PPFIA2: variants seen among roughly 807,000 people sequenced by gnomAD.
PPFIA2 encodes the protein liprin-alpha-2.
PPFIA2 carries 46 observed loss-of-function variants against 175.5 expected under a neutral mutation model. The observed-to-expected ratio is 0.26, with a 90% confidence interval of 0.21 to 0.34. The LOEUF is 0.34. Ranked by LOEUF, PPFIA2 falls within the 10% of genes least tolerant of loss-of-function variation. The probability of loss-of-function intolerance (pLI) is 1.00; values close to 1 mark genes in which losing one functional copy is unlikely to be tolerated. For synonymous variants in PPFIA2, 568 were observed against 511.4 expected (o/e 1.11, Z -1.49); for missense variants, 1,179 against 1,506.1 (o/e 0.78, Z 3.60).
At chr12:81,477,406 A>G (rs2146527150) in intron 4 of PPFIA2, among the ~76,000 whole-genome samples, 1 of 152,288 alleles carries the variant, frequency 6.6e-6, no homozygotes, top group South Asian at 2.1e-4. Context: ...TTACAAAATG[A>G]TATATTCCAC....
chr12:81,559,031 A>T (rs1407280385), intron 4 of PPFIA2, among the ~76,000 whole-genome samples: 1 of 152,204 alleles, frequency 6.6e-6, no homozygotes, highest in African/African-American at 2.4e-5. Context: ...TTCAGAGTTA[A>T]TAGCCCTGAA....
intron 4 of PPFIA2, among the ~76,000 whole-genome samples, chr12:81,544,695 A>G (rs1340113063): frequency 6.6e-6 from 1 of 152,140 alleles, no homozygotes; most frequent in East Asian, 1.9e-4. Context: ...GAAGTATTTG[A>G]ATATTATCTC....
At chr12:81,404,931 T>A (rs2042672867) in intron 8 of PPFIA2, among the ~76,000 whole-genome samples, 1 of 152,216 alleles carries the variant, frequency 6.6e-6, no homozygotes, top group Non-Finnish European at 1.5e-5. Context: ...AGCTAGCTGA[T>A]TCATGTGGTC....
At chr12:81,572,873 G>A (rs1733787563) in intron 4 of PPFIA2, among the ~76,000 whole-genome samples, 1 of 151,930 alleles carries the variant, frequency 6.6e-6, no homozygotes, top group African/African-American at 2.4e-5. Flanking sequence ...AAGACTAATG[G>A]AAGTATGTCA....
intron 4 of PPFIA2, among the ~76,000 whole-genome samples, chr12:81,657,658 T>G (rs937663478): frequency 2.0e-5 from 3 of 152,174 alleles, no homozygotes; most frequent in Non-Finnish European, 4.4e-5. Context: ...CTAAATAAAT[T>G]TGGCAATTAA....
At chr12:81,601,109 T>A (rs1445097033) in intron 4 of PPFIA2, among the ~76,000 whole-genome samples, 1 of 151,950 alleles carries the variant, frequency 6.6e-6, no homozygotes, top group Non-Finnish European at 1.5e-5. Flanking sequence ...TTTTCATATT[T>A]CTTTGGTGGG....
At chr12:81,720,934 C>T (rs1256083291) in intron 3 of PPFIA2, among the ~76,000 whole-genome samples, 2 of 151,056 alleles carry the variant, frequency 1.3e-5, no homozygotes, top group Non-Finnish European at 3.0e-5. Flanking sequence ...TGTTCAAAAG[C>T]ATTTAAATTG....
chr12:81,656,912 G>A (rs552371332), intron 4 of PPFIA2, among the ~76,000 whole-genome samples: 1 of 151,884 alleles, frequency 6.6e-6, no homozygotes, highest in African/African-American at 2.4e-5. Context: ...CCTATTATGT[G>A]GTATTCTGGA....
chr12:81,289,718 C>A (rs1330896997), intron 24 of PPFIA2, among the ~76,000 whole-genome samples: 2 of 151,852 alleles, frequency 1.3e-5, no homozygotes, highest in Non-Finnish European at 1.5e-5. Flanking sequence ...TAATGTGGAA[C>A]TCCAGACATT....
intron 3 of PPFIA2, among the ~76,000 whole-genome samples, chr12:81,696,781 C>A (rs1263512430): frequency 3.3e-5 from 5 of 152,010 alleles, no homozygotes; most frequent in African/African-American, 1.2e-4. Flanking sequence ...TTATTTGACA[C>A]TTCCTTGGTG....
chr12:81,371,625 T>A (rs1041998290), intron 11 of PPFIA2, among the ~76,000 whole-genome samples: 13 of 151,648 alleles, frequency 8.6e-5, no homozygotes, highest in Non-Finnish European at 1.6e-4. Flanking sequence ...AAAAAAAGAA[T>A]TTGGTCCTGT....
chr12:81,686,641 T>C (rs1269363560), intron 3 of PPFIA2, among the ~76,000 whole-genome samples: 1 of 152,138 alleles, frequency 6.6e-6, no homozygotes, highest in Non-Finnish European at 1.5e-5. Context: ...TCATCTTCTT[T>C]ATCAGCCATT....
At chr12:81,420,181 G>A (rs2045997001) in intron 7 of PPFIA2, among the ~76,000 whole-genome samples, 1 of 152,150 alleles carries the variant, frequency 6.6e-6, no homozygotes, top group Admixed American at 6.6e-5. Flanking sequence ...TCCCATAGGT[G>A]AGGTCTTTCC....
At chr12:81,332,712 A>G (rs912242689) in intron 21 of PPFIA2, among the ~76,000 whole-genome samples, 3 of 152,156 alleles carry the variant, frequency 2.0e-5, no homozygotes, top group African/African-American at 7.2e-5. Context: ...ATAGGAACTC[A>G]ATGAAGTATT....
intron 4 of PPFIA2, among the ~76,000 whole-genome samples, chr12:81,618,161 G>A (rs1435934951): frequency 6.6e-6 from 1 of 152,116 alleles, no homozygotes; most frequent in Non-Finnish European, 1.5e-5. Flanking sequence ...AGTCTAAACA[G>A]TGTAAAAAGG....
Position 81,544,034 on chromosome 12 carries a change from G to A in PPFIA2, c.304-86168C>T, listed in dbSNP as rs968830437. ...TCTTTGAACACAAAAAGGACCTTAG[G>A]AAAGAGCCAAAGAGATACGAATAAA... is the stretch of plus-strand genomic sequence containing the variant. On this transcript the variant is annotated intron_variant, in intron 4 of 32. Coordinates refer to ENST00000549396, the MANE Select transcript of PPFIA2 (RefSeq NM_003625.5). Among the ~76,000 whole-genome samples the A allele has an allele frequency of 4.6e-5, 7 of 152,006 alleles. No homozygotes were observed. In the East Asian group the frequency reaches 1.4e-3, roughly 29 times the overall value.
intron 23 of PPFIA2, 32 bp downstream of exon 23, chr12:81,299,269 G>T (rs370955607): frequency 2.6e-6 from 4 of 1,561,170 alleles, no homozygotes; most frequent in South Asian, 1.2e-5. Flanking sequence ...AGTAGTGATT[G>T]ATTCAAGGGC....
intron 7 of PPFIA2, among the ~76,000 whole-genome samples, chr12:81,428,727 T>C (rs887565649): frequency 5.3e-5 from 8 of 152,082 alleles, no homozygotes; most frequent in African/African-American, 1.9e-4. Flanking sequence ...TCAACCATTA[T>C]TCAACTTTTC....
chr12:81,759,143 A>G (rs1044150979), intron 1 of PPFIA2, 137 bp downstream of exon 1: 1 of 147,548 alleles, frequency 6.8e-6, no homozygotes, highest in Non-Finnish European at 1.5e-5. Flanking sequence ...AAAGGCAAAC[A>G]TCACCCCACG....
Sources: allele counts gnomAD v4.1 joint callset (sites outside exome capture counted in the v4.1 genomes callset), GRCh38; gene constraint gnomAD v4.1.1; transcripts MANE v1.5; gene names NCBI Gene and HGNC (gene_info 2026-07-23, HGNC 2026-07-21).